Variants in RAPGEF4 observed in about 807,000 individuals in gnomAD.
RAPGEF4 encodes Rap guanine nucleotide exchange factor 4, also known as RAP guanine-nucleotide-exchange factor (GEF) 4.
A neutral mutation model predicts 147.9 loss-of-function variants in RAPGEF4; 66 were observed. The ratio of observed to expected loss-of-function variants is 0.45; its 90% CI spans 0.37 to 0.55. The LOEUF (loss-of-function observed/expected upper bound fraction) is 0.55, where lower values mean the gene tolerates loss of function less well. Among genes scored for constraint, RAPGEF4 ranks in the 20% least tolerant of loss-of-function variants. The pLI, the probability that RAPGEF4 is intolerant of heterozygous loss-of-function variation, is 0.00. For synonymous variants in RAPGEF4, 419 were observed against 442.7 expected, an observed-to-expected ratio of 0.95 and a Z score of 0.67; for missense variants, 1,071 against 1,257.3, an observed-to-expected ratio of 0.85 and a Z score of 2.24.
chr2:173,007,246 A>G (rs1054196726), intron 17 of RAPGEF4, among the ~76,000 whole-genome samples: 3 of 152,238 alleles, frequency 2.0e-5, no homozygotes, highest in Non-Finnish European at 4.4e-5. Flanking sequence ...TGAGACTTAA[A>G]AGGAGAATAG....
intron 6 of RAPGEF4, among the ~76,000 whole-genome samples, chr2:172,956,320 C>T (rs960373677): frequency 6.6e-6 from 1 of 152,124 alleles, no homozygotes; most frequent in South Asian, 2.1e-4. Context: ...CAACACTTCC[C>T]GCATTAAATT....
At chr2:172,765,164 C>T (rs1395527777) in intron 1 of RAPGEF4, among the ~76,000 whole-genome samples, 1 of 152,196 alleles carries the variant, frequency 6.6e-6, no homozygotes, top group Non-Finnish European at 1.5e-5. Context: ...ACATGGTTGT[C>T]TTGCCTCCGT....
chr2:172,762,474 T>C (rs1479963146), intron 1 of RAPGEF4, among the ~76,000 whole-genome samples: 1 of 152,220 alleles, frequency 6.6e-6, no homozygotes, highest in Non-Finnish European at 1.5e-5. Context: ...GGGCATCACT[T>C]ATACTCAGTC....
At chr2:172,983,727 G>C (rs1184440007) in intron 11 of RAPGEF4, 147 bp downstream of exon 11, 2 of 1,402,766 alleles carry the variant, frequency 1.4e-6, no homozygotes, top group Middle Eastern at 2.3e-4. Flanking sequence ...AGATGCTGAG[G>C]AAGTTATACC....
intron 4 of RAPGEF4, among the ~76,000 whole-genome samples, chr2:172,867,709 A>T (rs977309285): frequency 6.6e-6 from 1 of 152,244 alleles, no homozygotes; most frequent in Non-Finnish European, 1.5e-5. Context: ...GTGGTGAAAG[A>T]TAGAACTAAA....
chr2:172,886,593 A>G (rs1314405129), intron 4 of RAPGEF4, among the ~76,000 whole-genome samples: 1 of 152,164 alleles, frequency 6.6e-6, no homozygotes, highest in Non-Finnish European at 1.5e-5. Flanking sequence ...TTGGGGCAGT[A>G]CTGTTCACAG....
At chr2:172,962,673 T>C (rs1366912403) in intron 8 of RAPGEF4, among the ~76,000 whole-genome samples, 1 of 152,138 alleles carries the variant, frequency 6.6e-6, no homozygotes, top group Non-Finnish European at 1.5e-5. Context: ...TAGATTGGCC[T>C]CTTGTTGACC....
In RAPGEF4 at chr2:173,042,956, G is replaced by A. The variant is rs1269709105; in HGVS notation, c.2854-5644G>A. On this transcript the variant is annotated intron_variant, in intron 29 of 30. Coordinates refer to ENST00000397081, the MANE Select transcript of RAPGEF4 (RefSeq NM_007023.4). The surrounding 1 kb of genome is among the most constrained non-coding windows in gnomAD (Gnocchi z 4.2). ...GATACTAAAGATCTGTAGGGAGACC[G>A]GACTCAGGGCTCCTCCTCAATGATG... Among the ~76,000 whole-genome samples the A allele has an allele frequency of 2.6e-5, 4 of 152,218 alleles. No individual in the cohort carries two copies. The highest frequency in any genetic ancestry group is 2.1e-4 in the South Asian group (1 of 4,832).
chr2:172,860,902 A>G (rs188371116), intron 4 of RAPGEF4, among the ~76,000 whole-genome samples: 38 of 152,276 alleles, frequency 2.5e-4, no homozygotes, highest in African/African-American at 8.4e-4. Flanking sequence ...AAATTTGTCA[A>G]TTATTTAATT....
chr2:172,990,753 T>G (rs1575460097), intron 14 of RAPGEF4, 57 bp from the exon 15 acceptor site: 5 of 1,306,034 alleles, frequency 3.8e-6, no homozygotes, highest in African/African-American at 2.9e-5. Context: ...ATTTGAAAAT[T>G]TTTTCATTGT....
At chr2:172,842,880 A>C (rs1691773905) in intron 4 of RAPGEF4, among the ~76,000 whole-genome samples, 1 of 152,212 alleles carries the variant, frequency 6.6e-6, no homozygotes, top group Non-Finnish European at 1.5e-5. Context: ...ATTTGGGAAA[A>C]CATAGTCTGC....
intron 1 of RAPGEF4, among the ~76,000 whole-genome samples, chr2:172,737,909 G>A (rs1266224255): frequency 6.6e-6 from 1 of 152,138 alleles, no homozygotes; most frequent in Non-Finnish European, 1.5e-5. Context: ...AGAAAAAAAA[G>A]GTGAAATAGT....
chr2:172,789,708 T>G (rs962455367), intron 1 of RAPGEF4, among the ~76,000 whole-genome samples: 3 of 152,242 alleles, frequency 2.0e-5, no homozygotes, highest in Non-Finnish European at 2.9e-5. Context: ...AGTGGAAATA[T>G]GCGGTATTTG....
intron 4 of RAPGEF4, among the ~76,000 whole-genome samples, chr2:172,909,688 A>G (rs946418577): frequency 6.6e-6 from 1 of 152,158 alleles, no homozygotes; most frequent in Non-Finnish European, 1.5e-5. Context: ...GTGCTGACTT[A>G]TATGTGCGGG....
intron 4 of RAPGEF4, among the ~76,000 whole-genome samples, chr2:172,859,102 T>C (rs1693747316): frequency 6.6e-6 from 1 of 152,184 alleles, no homozygotes; most frequent in South Asian, 2.1e-4. Context: ...TAAGCAAAAT[T>C]TAAAATGCAA....
chr2:172,989,675 AC>A (rs1422847512), intron 14 of RAPGEF4, among the ~76,000 whole-genome samples: 1 of 152,006 alleles, frequency 6.6e-6, no homozygotes. Context: ...ATGTCCCACC[AC>A]CCGTGGCTTC....
intron 1 of RAPGEF4, among the ~76,000 whole-genome samples, chr2:172,768,467 T>A (rs1282358365): frequency 6.7e-6 from 1 of 149,866 alleles, no homozygotes; most frequent in East Asian, 2.0e-4. Flanking sequence ...GAAGCTGCAC[T>A]AGTTTATGGG....
intron 10 of RAPGEF4, among the ~76,000 whole-genome samples, chr2:172,969,664 A>G (rs529279504): frequency 1.1e-4 from 17 of 152,326 alleles, no homozygotes; most frequent in African/African-American, 4.1e-4. Context: ...GGGAGTTTAT[A>G]ATTCAGTGGG....
intron 10 of RAPGEF4, among the ~76,000 whole-genome samples, chr2:172,979,837 T>A (rs1165274969): frequency 5.9e-5 from 9 of 152,024 alleles, no homozygotes; most frequent in Non-Finnish European, 1.2e-4. Flanking sequence ...GCCAATATGG[T>A]GAAAACCCGT....
Sources: allele counts gnomAD v4.1 joint callset (sites outside exome capture counted in the v4.1 genomes callset), GRCh38; gene constraint gnomAD v4.1.1; non-coding constraint Gnocchi (gnomAD v3.1); transcripts MANE v1.5; gene names NCBI Gene and HGNC (gene_info 2026-07-23, HGNC 2026-07-21).